CDH12: variants seen among roughly 807,000 people sequenced by gnomAD.
The protein encoded by CDH12 is cadherin 12.
Under a neutral mutation model 74.1 loss-of-function variants are expected in CDH12, and 41 were observed. The ratio of observed to expected loss-of-function variants is 0.55; its 90% CI spans 0.43 to 0.72. The LOEUF (loss-of-function observed/expected upper bound fraction) is 0.72, where lower values mean the gene tolerates loss of function less well. CDH12 is among the 30% of genes least tolerant of loss of function. The pLI is 0.00. For synonymous variants in CDH12, 399 were observed against 355.0 expected, an observed-to-expected ratio of 1.12 and a Z score of -1.39; for missense variants, 945 against 977.2, an observed-to-expected ratio of 0.97 and a Z score of 0.44.
chr5:21,882,260 T>C (rs2150034096), intron 6 of CDH12, among the ~76,000 whole-genome samples: 1 of 152,340 alleles, frequency 6.6e-6, no homozygotes. Context: ...CAAATGTTTG[T>C]GACGTATATT....
chr5:22,825,242 A>C (rs1241383459), intron 1 of CDH12, among the ~76,000 whole-genome samples: 2 of 152,070 alleles, frequency 1.3e-5, no homozygotes, highest in African/African-American at 4.8e-5. Flanking sequence ...GTGTGTGTAC[A>C]TTTGTACAAA....
chr5:22,065,468 A>G (rs1052621130), intron 5 of CDH12, among the ~76,000 whole-genome samples: 5 of 152,180 alleles, frequency 3.3e-5, no homozygotes, highest in African/African-American at 1.2e-4. Flanking sequence ...GTTTGGCTGA[A>G]ACATGGAGCC....
At chr5:22,593,529 T>C (rs2126802635) in intron 1 of CDH12, among the ~76,000 whole-genome samples, 1 of 152,352 alleles carries the variant, frequency 6.6e-6, no homozygotes, top group Admixed American at 6.5e-5. Flanking sequence ...TGCTCTCATT[T>C]ATTTTCCTAG....
chr5:22,488,767 C>T (rs1344707609), intron 2 of CDH12, among the ~76,000 whole-genome samples: 6 of 152,032 alleles, frequency 3.9e-5, no homozygotes, highest in Non-Finnish European at 8.8e-5. Context: ...CTCATCAGCC[C>T]CTCCTGCAGA....
intron 5 of CDH12, among the ~76,000 whole-genome samples, chr5:22,018,726 C>A (rs1376546811): frequency 1.3e-5 from 2 of 152,074 alleles, no homozygotes; most frequent in African/African-American, 2.4e-5. Flanking sequence ...CAACATTTAC[C>A]AAAATGTGAT....
chr5:22,563,546 G>C (rs1431234899), intron 1 of CDH12, among the ~76,000 whole-genome samples: 1 of 151,994 alleles, frequency 6.6e-6, no homozygotes, highest in East Asian at 1.9e-4. Context: ...CACAGAATGG[G>C]ATAGAATATA....
intron 4 of CDH12, among the ~76,000 whole-genome samples, chr5:22,112,897 C>A (rs1744893864): frequency 6.6e-6 from 1 of 152,094 alleles, no homozygotes; most frequent in Admixed American, 6.6e-5. Flanking sequence ...ACAGAACGTT[C>A]ATCTTATAAT....
intron 4 of CDH12, among the ~76,000 whole-genome samples, chr5:22,146,005 T>C (rs1231524758): frequency 6.6e-6 from 1 of 150,630 alleles, no homozygotes; most frequent in Non-Finnish European, 1.5e-5. Context: ...TTTTCTAGCA[T>C]GAAAATGTGC....
intron 4 of CDH12, among the ~76,000 whole-genome samples, chr5:22,115,795 G>A (rs774777347): frequency 2.0e-5 from 3 of 150,272 alleles, no homozygotes; most frequent in African/African-American, 7.3e-5. Context: ...GGGTTCAAGC[G>A]ATTCTTCTGC....
At chr5:22,307,873 GTTTTTTTTTT>G (rs35242143) in intron 3 of CDH12, among the ~76,000 whole-genome samples, 8 of 68,660 alleles carry the variant, frequency 1.2e-4, no homozygotes, top group Non-Finnish European at 1.9e-4. Flanking sequence ...CTTTCTTTTA[GTTTTTTTTTT>G]TTTTTTTTTT....
At chr5:22,776,945 C>G (rs1213202421) in intron 1 of CDH12, among the ~76,000 whole-genome samples, 1 of 152,172 alleles carries the variant, frequency 6.6e-6, no homozygotes, top group Admixed American at 6.6e-5. Flanking sequence ...TCTGTTCCCA[C>G]AACCCTAAAC....
chr5:22,753,575 A>AT (rs913805274), intron 1 of CDH12, among the ~76,000 whole-genome samples: 40 of 148,316 alleles, frequency 2.7e-4, no homozygotes, highest in African/African-American at 9.5e-4. Context: ...AAAAATAAAT[A>AT]TTTTTTGACT....
intron 1 of CDH12, among the ~76,000 whole-genome samples, chr5:22,582,095 C>A (rs1421919909): frequency 6.6e-6 from 1 of 152,082 alleles, no homozygotes; most frequent in Non-Finnish European, 1.5e-5. Context: ...ATCAAATACC[C>A]TCATATGTCA....
chr5:22,220,217 C>A (rs1466711917), intron 3 of CDH12, among the ~76,000 whole-genome samples: 1 of 151,572 alleles, frequency 6.6e-6, no homozygotes, highest in South Asian at 2.1e-4. Context: ...TTTGTACATG[C>A]GTATGTGTGT....
chr5:22,024,102 C>A (rs1245705332), intron 5 of CDH12, among the ~76,000 whole-genome samples: 2 of 152,068 alleles, frequency 1.3e-5, no homozygotes, highest in African/African-American at 4.8e-5. Context: ...ATGTATTAAT[C>A]AAATGGAGGA....
At chr5:22,606,983 C>T (rs909835903) in intron 1 of CDH12, among the ~76,000 whole-genome samples, 1 of 152,176 alleles carries the variant, frequency 6.6e-6, no homozygotes, top group Non-Finnish European at 1.5e-5. Context: ...GAAAAGATAA[C>T]TCTTGCTTTG....
chr5:22,671,832 T>C (rs1740913667), intron 1 of CDH12, among the ~76,000 whole-genome samples: 2 of 150,976 alleles, frequency 1.3e-5, no homozygotes, highest in Admixed American at 6.7e-5. Context: ...ACAACTTTAT[T>C]ACTTTTCTCA....
At chr5:22,562,773 G>A (rs1739115870) in intron 1 of CDH12, among the ~76,000 whole-genome samples, 1 of 151,008 alleles carries the variant, frequency 6.6e-6, no homozygotes, top group South Asian at 2.1e-4. Flanking sequence ...AAGAAAGAGA[G>A]ACAAAACAGA....
chr5:22,652,994 A>ATT (rs1739819417), intron 1 of CDH12, among the ~76,000 whole-genome samples: 1 of 152,206 alleles, frequency 6.6e-6, no homozygotes, highest in Non-Finnish European at 1.5e-5. Context: ...ATGGGGGAAC[A>ATT]CTAAACACTT....
Sources: allele counts gnomAD v4.1 joint callset (sites outside exome capture counted in the v4.1 genomes callset), GRCh38; gene constraint gnomAD v4.1.1; transcripts MANE v1.5; gene names NCBI Gene and HGNC (gene_info 2026-07-23, HGNC 2026-07-21).